Variants in ITGA8 observed in about 807,000 individuals in gnomAD.
The protein encoded by ITGA8 is integrin alpha-8.
A neutral mutation model predicts 142.3 loss-of-function variants in ITGA8; 91 were observed. The observed-to-expected ratio is 0.64, with a 90% CI of 0.54 to 0.76. The LOEUF (loss-of-function observed/expected upper bound fraction) is 0.76, where lower values mean the gene tolerates loss of function less well. ITGA8 is among the 30% of genes least tolerant of loss of function. The probability of loss-of-function intolerance (pLI) is 0.00; values close to 1 mark genes in which losing one functional copy is unlikely to be tolerated. For missense variants in ITGA8, 1,406 were observed against 1,327.7 expected (o/e 1.06, Z -0.92); for synonymous variants, 505 against 485.2 (o/e 1.04, Z -0.54).
chr10:15,593,839 A>ATTTTTTT lies in ITGA8; in HGVS notation c.2212-1542_2212-1536dup, dbSNP rs35907545. Among the ~76,000 whole-genome samples the ATTTTTTT allele has an allele frequency of 3.6e-3, 492 of 137,252 alleles. 7 individuals are homozygous for ATTTTTTT. The highest frequency in any genetic ancestry group is 0.013 in the African/African-American group (442 of 34,948). 90.0% of individuals were successfully genotyped at this position (137,252 alleles called of 152,430 possible). On this transcript the variant is annotated intron_variant, in intron 21 of 29. Coordinates refer to ENST00000378076, the MANE Select transcript of ITGA8 (RefSeq NM_003638.3). ...GCTAAGGCATTACGCCCCAGCAAAGATTTTTTTTTTTTTTTTTTTTGAGAC... is the reference window on the plus strand; with the variant it reads ...GCTAAGGCATTACGCCCCAGCAAAGATTTTTTTTTTTTTTTTTTTTTTTTTTTGAGAC...
intron 4 of ITGA8, among the ~76,000 whole-genome samples, chr10:15,683,180 T>C (rs1834769682): frequency 6.6e-6 from 1 of 152,154 alleles, no homozygotes; most frequent in African/African-American, 2.4e-5. Context: ...TGAAAATCCA[T>C]AGGTATCTTA....
At chr10:15,539,882 G>A (rs1017423755) in intron 27 of ITGA8, among the ~76,000 whole-genome samples, 4 of 152,112 alleles carry the variant, frequency 2.6e-5, no homozygotes, top group Non-Finnish European at 5.9e-5. Context: ...GGGGCCGGGT[G>A]GAGATAATTG....
intron 15 of ITGA8, among the ~76,000 whole-genome samples, chr10:15,612,758 C>G (rs981793018): frequency 6.6e-6 from 1 of 152,238 alleles, no homozygotes; most frequent in African/African-American, 2.4e-5. Flanking sequence ...GCACAAAAAT[C>G]TTGTATAATG....
At chr10:15,617,565 A>AT (rs1833417524) in intron 13 of ITGA8, among the ~76,000 whole-genome samples, 1 of 152,006 alleles carries the variant, frequency 6.6e-6, no homozygotes, top group Non-Finnish European at 1.5e-5. Flanking sequence ...CGCCTGGCTG[A>AT]TTTTTTGTAT....
In ITGA8 at chr10:15,606,352, G is replaced by A; in HGVS notation, c.1835C>T (p.Thr612Ile). Reference protein sequence around the residue: ...ISLNYSLDESTFKEGLEVKPI... With the variant: ...ISLNYSLDESIFKEGLEVKPI... ...TTTCACTTCCAGGCCTTCTTTAAAG[G>A]TGGATTCGTCCAAACTGTAATTCAA... The change falls in exon 18 of 30, where the codon ACC (threonine) becomes ATC (isoleucine). Residue 612 changes from threonine (T) to isoleucine (I), a missense_variant. Thr to Ile is a moderately conservative substitution (Grantham distance 89, BLOSUM62 -1). Coordinates refer to ENST00000378076, the MANE Select transcript of ITGA8 (RefSeq NM_003638.3). 3.7e-6 allele frequency: 6 copies of A among 1,611,994 alleles called. No homozygotes were observed. The highest frequency in any genetic ancestry group is 5.1e-6 in the Non-Finnish European group (6 of 1,178,296).
chr10:15,616,704 A>G (rs1425436504), intron 13 of ITGA8, 145 bp from the exon 14 acceptor site: 7 of 704,188 alleles, frequency 9.9e-6, no homozygotes, highest in African/African-American at 1.8e-5. Context: ...CACCTTTCTT[A>G]AGGCATTTTG....
At chr10:15,574,540 G>A (rs996590775) in intron 24 of ITGA8, among the ~76,000 whole-genome samples, 16 of 151,916 alleles carry the variant, frequency 1.1e-4, no homozygotes, top group Admixed American at 5.9e-4. Context: ...ACAGGCTCAC[G>A]CCACCAAGCC....
chr10:15,577,563 C>A (rs1348354653), intron 23 of ITGA8, among the ~76,000 whole-genome samples: 1 of 151,996 alleles, frequency 6.6e-6, no homozygotes, highest in Non-Finnish European at 1.5e-5. Flanking sequence ...ATCAAAACAT[C>A]ATGTCAAAAT....
chr10:15,672,694 A>C lies in ITGA8; in HGVS notation c.732T>G (p.Asp244Glu). 1 of 1,613,868 alleles carries C rather than the reference A, an allele frequency of 6.2e-7. No homozygotes were observed. Among genetic ancestry groups the C allele is most frequent in the Non-Finnish European group, 8.5e-7 (1 of 1,179,870 alleles). ...ADIIANYSFK[D>E]ILRKLAGEKQ... The stretch of plus-strand genomic sequence containing the variant: ...TTTCTCCTGCCAGTTTCCTGAGGAT[A>C]TCCTTGAATGAGTAATTTGCAATGA... Residue 244 changes from aspartate to glutamate, a missense_variant, in exon 7 of 30, where the codon GAT becomes GAG. By Grantham distance (45) the Asp-to-Glu change is conservative. Coordinates refer to ENST00000378076, the MANE Select transcript of ITGA8 (RefSeq NM_003638.3).
intron 11 of ITGA8, among the ~76,000 whole-genome samples, chr10:15,651,738 C>T (rs111503822): frequency 1.3e-5 from 2 of 152,182 alleles, no homozygotes; most frequent in African/African-American, 4.8e-5. Context: ...ACTTCTGAAC[C>T]ATGAGCAATG....
rs1177276284 is a variant in ITGA8 at position 15,673,174 on chromosome 10, C to T, written c.677-425G>A. Among the ~76,000 whole-genome samples the T allele has an allele frequency of 5.3e-5, 8 of 152,248 alleles. No homozygotes were observed. The South Asian group carries it at 1.7e-3, about 32-fold the overall frequency. ...TCTCAGCTCACTGCAACCTCTGTCT[C>T]CCGGGTTCAAGTGATTCTCCTGCTT... is the stretch of plus-strand genomic sequence containing the variant. On this transcript the variant is annotated intron_variant, in intron 6 of 29. Transcript: ENST00000378076.
chr10:15,704,114 G>A (rs755958735), intron 2 of ITGA8, among the ~76,000 whole-genome samples: 3 of 152,160 alleles, frequency 2.0e-5, no homozygotes, highest in Non-Finnish European at 2.9e-5. Context: ...ATTTCAATGA[G>A]TCATCAATTC....
chr10:15,681,685 G>A (rs1834740486), intron 4 of ITGA8, among the ~76,000 whole-genome samples: 1 of 152,090 alleles, frequency 6.6e-6, no homozygotes, highest in Non-Finnish European at 1.5e-5. Flanking sequence ...CAAGGCAGTT[G>A]GAAGAATAAC....
chr10:15,565,932 G>T (rs1479714674), intron 25 of ITGA8, among the ~76,000 whole-genome samples: 1 of 151,972 alleles, frequency 6.6e-6, no homozygotes, highest in Non-Finnish European at 1.5e-5. Flanking sequence ...GTGCGCACGC[G>T]TGAGTGAGAG....
chr10:15,597,085 C>T (rs1450750277), intron 21 of ITGA8, 122 bp downstream of exon 21: 1 of 736,340 alleles, frequency 1.4e-6, no homozygotes, highest in Non-Finnish European at 2.4e-6. Flanking sequence ...TGGCAATTTC[C>T]TGCCTAATTT....
At chr10:15,613,133 C>G (rs11253577) in intron 15 of ITGA8, among the ~76,000 whole-genome samples, 631 of 151,348 alleles carry the variant, frequency 4.2e-3, no homozygotes, top group Admixed American at 7.0e-3. Context: ...TGCCCTCCAG[C>G]CTGGGTGACA....
In ITGA8 at chr10:15,685,162, A is replaced by G. The variant is rs146111713; in HGVS notation, c.445-1035T>C. Among the ~76,000 whole-genome samples the G allele has an allele frequency of 3.1e-4, 47 of 152,358 alleles. 1 individual carries two copies. The highest frequency in any genetic ancestry group is 1.1e-3 in the African/African-American group (45 of 41,582). On this transcript the variant is annotated intron_variant, in intron 3 of 29. Transcript: ENST00000378076. ...GCATTTCCAAGGCATTAAACACCAC[A>G]GGTGAGGCAATTCAAGTCTCTGGCC...
chr10:15,586,652 G>C lies in ITGA8; in HGVS notation c.2304C>G (p.Asp768Glu), dbSNP rs1468391630. The change falls in exon 23 of 30, where the codon GAC (aspartate) becomes GAG (glutamate). Residue 768 changes from aspartate (D) to glutamate (E), a missense_variant. Physicochemically the swap from Asp to Glu is conservative, Grantham distance 45. Coordinates refer to ENST00000378076, the MANE Select transcript of ITGA8 (RefSeq NM_003638.3). ...FDLQIRSSNK[D>E]NPDSNFVSLQ... is the part of the protein sequence containing the mutation. ...GGCTCACAAAATTGCTGTCTGGATT[G>C]TCCTTGTTGGAACTAAAACACAAGG... The C allele has an allele frequency of 1.9e-6, 3 of 1,608,534 alleles. No individual in the cohort carries two copies. The South Asian group carries it at 3.3e-5, about 18-fold the overall frequency.
At chr10:15,543,670 T>C (rs943817118) in intron 27 of ITGA8, among the ~76,000 whole-genome samples, 1 of 152,188 alleles carries the variant, frequency 6.6e-6, no homozygotes, top group Admixed American at 6.5e-5. Context: ...ATTGGTGCAA[T>C]ACTGTAGCAA....
Sources: gnomAD v4.1 joint callset for allele counts (sites outside exome capture counted in the v4.1 genomes callset) on GRCh38, gnomAD v4.1.1 for gene constraint, MANE v1.5 for transcripts, NCBI Gene and HGNC (gene_info 2026-07-23, HGNC 2026-07-21) for gene names.